The following CACNA1C variants were observed in gnomAD, a reference collection of about 807,000 sequenced individuals.
CACNA1C encodes calcium voltage-gated channel subunit alpha1 C, also known as voltage-dependent L-type calcium channel subunit alpha-1C.
A neutral mutation model predicts 229.0 loss-of-function variants in CACNA1C; 30 were observed. The observed-to-expected ratio is 0.13, with a 90% CI of 0.10 to 0.18. CACNA1C has a LOEUF of 0.18. Among genes scored for constraint, CACNA1C ranks in the 10% least tolerant of loss-of-function variants. The probability of loss-of-function intolerance (pLI) is 1.00; values close to 1 mark genes in which losing one functional copy is unlikely to be tolerated. For synonymous variants in CACNA1C, 1,114 were observed against 1,132.5 expected (o/e 0.98, Z 0.33); for missense variants, 1,658 against 2,845.0 (o/e 0.58, Z 9.49).
At chr12:2,168,662 A>G (rs2096348844) in intron 3 of CACNA1C, among the ~76,000 whole-genome samples, 1 of 152,124 alleles carries the variant, frequency 6.6e-6, no homozygotes, top group South Asian at 2.1e-4. Flanking sequence ...TGGTCATTTT[A>G]TGTGATCTTA....
At chr12:2,333,997 A>G (rs2096623099) in intron 3 of CACNA1C, among the ~76,000 whole-genome samples, 1 of 152,142 alleles carries the variant, frequency 6.6e-6, no homozygotes, top group South Asian at 2.1e-4. Flanking sequence ...CCTTCTGCAA[A>G]CAGTACGATG....
chr12:2,514,009 G>A (rs1043836090), intron 9 of CACNA1C, among the ~76,000 whole-genome samples: 1 of 152,138 alleles, frequency 6.6e-6, no homozygotes, highest in African/African-American at 2.4e-5. Context: ...ATACATGTTT[G>A]AATAGGTGCA....
chr12:2,640,543 G>A (rs2093553940), intron 30 of CACNA1C, among the ~76,000 whole-genome samples: 1 of 152,234 alleles, frequency 6.6e-6, no homozygotes. Context: ...GAGGCGCAGA[G>A]CAGCACCACT....
intron 3 of CACNA1C, among the ~76,000 whole-genome samples, chr12:2,193,140 C>T (rs942629025): frequency 6.6e-6 from 1 of 152,182 alleles, no homozygotes; most frequent in African/African-American, 2.4e-5. Context: ...ACTGGCCCTG[C>T]CAGGAACATC....
chr12:2,643,351 A>C (rs2093959597), intron 30 of CACNA1C, among the ~76,000 whole-genome samples: 1 of 152,124 alleles, frequency 6.6e-6, no homozygotes, highest in Non-Finnish European at 1.5e-5. Flanking sequence ...TCTTCTGCTC[A>C]GTTCTTCTCC....
chr12:2,439,325 G>A (rs767944748), intron 3 of CACNA1C, among the ~76,000 whole-genome samples: 1 of 152,188 alleles, frequency 6.6e-6, no homozygotes, highest in African/African-American at 2.4e-5. Context: ...TGGACACCAG[G>A]CAAATCAAAT....
At position 2,488,148 on chromosome 12, in the gene CACNA1C, CCA is replaced by C. The variant is rs1029149659; in HGVS notation, c.916+1889_916+1890del. On this transcript the variant is annotated intron_variant, in intron 6 of 46. Transcript: ENST00000399655. The surrounding 1 kb of genome is among the most constrained non-coding windows in gnomAD (Gnocchi z 4.0). ...TGCTGTGCAATCAGAGGTCTGTGCA[CCA>C]CAGAGTAAGGAGAGGGGCTCCAAAG... Among the ~76,000 whole-genome samples, 29 of 152,160 alleles carry C rather than the reference CCA, an allele frequency of 1.9e-4. No individual in the cohort carries two copies. Among genetic ancestry groups the C allele is most frequent in the South Asian group, 2.1e-4 (1 of 4,828 alleles).
rs548103775 is a variant in CACNA1C at position 2,223,138 on chromosome 12, T to C, written c.477+102708T>C. On this transcript the variant is annotated intron_variant, in intron 3 of 46. Transcript: ENST00000399655. ...GATATCCTACTTGGCTCTGCAAGAC[T>C]CATAGCATACTGGACAATGTTGTCT... 2.6e-5 allele frequency among the ~76,000 whole-genome samples: 4 copies of C among 152,326 alleles called. No homozygotes were observed. The South Asian group carries it at 8.3e-4, about 32-fold the overall frequency.
chr12:2,474,576 G>A (rs1313051283), intron 5 of CACNA1C, among the ~76,000 whole-genome samples: 2 of 151,972 alleles, frequency 1.3e-5, no homozygotes, highest in African/African-American at 4.8e-5. Context: ...CCAACATGGC[G>A]AAACCCCGTC....
chr12:2,352,000 CTG>C (rs2097215189), intron 3 of CACNA1C, among the ~76,000 whole-genome samples: 1 of 152,368 alleles, frequency 6.6e-6, no homozygotes, highest in South Asian at 2.1e-4. Context: ...GCCCTGTTAT[CTG>C]TGTCCTGACT....
chr12:2,180,142 G>A (rs971203852), intron 3 of CACNA1C, among the ~76,000 whole-genome samples: 2 of 152,176 alleles, frequency 1.3e-5, no homozygotes, highest in Non-Finnish European at 2.9e-5. Context: ...TTGAGCACAC[G>A]GTAGATGGAT....
intron 3 of CACNA1C, among the ~76,000 whole-genome samples, chr12:2,349,338 G>T (rs948063984): frequency 6.6e-6 from 1 of 152,210 alleles, no homozygotes; most frequent in Non-Finnish European, 1.5e-5. Flanking sequence ...AGTTTGGGTG[G>T]GGTTCTAACT....
In CACNA1C at chr12:2,665,717, C is replaced by G. The variant is rs1473029850; in HGVS notation, c.4526+9C>G. The G allele has an allele frequency of 6.2e-7, 1 of 1,609,934 alleles. No homozygotes were observed. Among genetic ancestry groups the G allele is most frequent in the African/African-American group, 1.3e-5 (1 of 74,834 alleles). ...TATGACCCTGAAGCCAAGTAAGTTC[C>G]CAGAGGGAAATCCTGATTCCCCAAG... On this transcript the variant is annotated intron_variant, in intron 36 of 46. Transcript: ENST00000399655. This position sits in a 1 kb window ranked among gnomAD's most constrained non-coding sequence, Gnocchi z 5.9.
chr12:2,544,982 C>G (rs1255093246), intron 9 of CACNA1C, among the ~76,000 whole-genome samples: 5 of 152,164 alleles, frequency 3.3e-5, no homozygotes, highest in African/African-American at 1.2e-4. Context: ...CGCTGGGATT[C>G]AGAAAGCTGT....
chr12:2,048,932 C>G (rs1310966646), upstream of CACNA1C, among the ~76,000 whole-genome samples: 1 of 152,192 alleles, frequency 6.6e-6, no homozygotes, highest in Non-Finnish European at 1.5e-5. Context: ...TTTTTCCCCA[C>G]CTGCCCCAGA....
In CACNA1C at chr12:2,679,828, C is replaced by A; in HGVS notation, c.5444+32C>A. 6.9e-7 allele frequency: 1 copy of A among 1,439,884 alleles called. No homozygotes were observed. Among genetic ancestry groups the A allele is most frequent in the Non-Finnish European group, 9.5e-7 (1 of 1,056,062 alleles). The allele number at this position is 1,439,884 out of a possible 1,614,324, so 89.2% of individuals were successfully genotyped here. A position where few individuals can be genotyped will look rare whatever the true frequency, so the allele number is the denominator to read the frequency against. On this transcript the variant is annotated intron_variant, in intron 42 of 46. Coordinates refer to ENST00000399655, the MANE Select transcript of CACNA1C (RefSeq NM_000719.7). The surrounding 1 kb of genome is among the most constrained non-coding windows in gnomAD (Gnocchi z 5.5). ...GGGAGGCTGGCCACCCCAGGCGGCA[C>A]ACAGGGCCCACGTGCTGCAACCCTC...
intron 5 of CACNA1C, among the ~76,000 whole-genome samples, chr12:2,466,195 G>A (rs1239330517): frequency 1.3e-5 from 2 of 152,144 alleles, no homozygotes; most frequent in Non-Finnish European, 2.9e-5. Flanking sequence ...GCTTTTCTGA[G>A]TGTTTTCACA....
chr12:2,667,253 T>C (rs1468872), intron 37 of CACNA1C, among the ~76,000 whole-genome samples: 1 of 147,006 alleles, frequency 6.8e-6, no homozygotes, highest in Admixed American at 6.6e-5. Flanking sequence ...TGTCGTTTCC[T>C]TTTCTCCCTC....
intron 1 of CACNA1C, among the ~76,000 whole-genome samples, chr12:2,065,996 C>T (rs999755483): frequency 5.9e-5 from 9 of 151,920 alleles, no homozygotes; most frequent in Non-Finnish European, 8.8e-5. Flanking sequence ...AATGGAGGGC[C>T]GTTTAAAGTG....
Sources: allele counts gnomAD v4.1 joint callset (sites outside exome capture counted in the v4.1 genomes callset), GRCh38; gene constraint gnomAD v4.1.1; non-coding constraint Gnocchi (gnomAD v3.1); transcripts MANE v1.5; gene names NCBI Gene and HGNC (gene_info 2026-07-23, HGNC 2026-07-21).